Variants in ALDH3A1 observed in about 807,000 individuals in gnomAD.
ALDH3A1 encodes the protein aldehyde dehydrogenase, dimeric NADP-preferring.
In ALDH3A1, 46 loss-of-function variants were observed where a neutral mutation model predicts 49.9. The ratio of observed to expected loss-of-function variants is 0.92; its 90% CI spans 0.73 to 1.18. The LOEUF (loss-of-function observed/expected upper bound fraction) is 1.18. Ranked by LOEUF, ALDH3A1 falls within the 50% of genes most tolerant of loss-of-function variation. The probability of loss-of-function intolerance (pLI) is 0.00; values close to 1 mark genes in which losing one functional copy is unlikely to be tolerated. For synonymous variants in ALDH3A1, 269 were observed against 253.3 expected, an observed-to-expected ratio of 1.06 and a Z score of -0.59; for missense variants, 592 against 611.8, an observed-to-expected ratio of 0.97 and a Z score of 0.34.
Position 19,739,534 on chromosome 17 carries a change from G to A in ALDH3A1, c.1090C>T (p.Leu364Phe). The A allele has an allele frequency of 6.2e-7, 1 of 1,612,336 alleles. No individual in the cohort carries two copies. Among genetic ancestry groups the A allele is most frequent in the Non-Finnish European group, 8.5e-7 (1 of 1,179,504 alleles). Residue 364 changes from leucine (L) to phenylalanine (F), a missense_variant, in exon 8 of 11, where the codon CTC (leucine) becomes TTC (phenylalanine). Coordinates refer to ENST00000225740, the MANE Select transcript of ALDH3A1 (RefSeq NM_000691.5). ...TTGTCGTTGCTGGAGAACATGTAGA[G>A]GGCCAGGGGCTTCTCACGCTGGTTG... is the stretch of plus-strand genomic sequence containing the variant. The part of the protein sequence containing the change: ...FINQREKPLA[L>F]YMFSSNDKVI...
In ALDH3A1 at chr17:19,743,270, T is replaced by C; in HGVS notation, c.356A>G (p.Asn119Ser). Residue 119 changes from asparagine (N) to serine (S), a missense_variant, in exon 3 of 11, where the codon AAC (asparagine) becomes AGC (serine). Coordinates refer to ENST00000225740, the MANE Select transcript of ALDH3A1 (RefSeq NM_000691.5). The surrounding 1 kb of genome is among the most constrained non-coding windows in gnomAD (Gnocchi z 4.4). ...LVIGTWNYPFNLTIQPMVGAI... is the reference protein window; with the variant it reads ...LVIGTWNYPFSLTIQPMVGAI... ...GCCCACCATGGGCTGGATGGTGAGG[T>C]TGAAGGGGTAGTTCCAGGTGCCAAT... 1.2e-6 allele frequency: 2 copies of C among 1,613,828 alleles called. No homozygotes were observed. The highest frequency in any genetic ancestry group is 1.7e-6 in the Non-Finnish European group (2 of 1,179,942).
Position 19,743,477 on chromosome 17 carries a change from GC to G in ALDH3A1, c.163-15del, listed in dbSNP as rs1422351297. On this transcript the variant is annotated splice_polypyrimidine_tract_variant and intron_variant, in intron 2 of 10. Transcript: ENST00000225740. The surrounding 1 kb of genome is among the most constrained non-coding windows in gnomAD (Gnocchi z 4.4). ...GTTCCATTCATTCTGCAGCGACAGA[GC>G]CGGAGTGAGCTTCCAGGGCCAGGGC... 9 of 1,573,692 alleles carry G rather than the reference GC, an allele frequency of 5.7e-6. No homozygotes were observed. Among genetic ancestry groups the G allele is most frequent in the Non-Finnish European group, 7.8e-6 (9 of 1,157,068 alleles).
chr17:19,741,464 G>A (rs183042465), intron 5 of ALDH3A1: 25 of 438,590 alleles, frequency 5.7e-5, no homozygotes, highest in Admixed American at 1.7e-4. Context: ...CCCTGATCAC[G>A]CCCTTGTCCT....
chr17:19,743,744 C>T lies in ALDH3A1; in HGVS notation c.163-281G>A, dbSNP rs1452576670. On this transcript the variant is annotated intron_variant, in intron 2 of 10. Transcript: ENST00000225740. The surrounding 1 kb of genome is among the most constrained non-coding windows in gnomAD (Gnocchi z 4.4). Reference sequence around the variant, plus strand: ...CCAGGCATGGGCAACGGAATGGATCCAGGTAGGGGGAATAGAGCCGGGCAG... The same window carrying T: ...CCAGGCATGGGCAACGGAATGGATCTAGGTAGGGGGAATAGAGCCGGGCAG... 1.0e-6 allele frequency: 1 copy of T among 978,902 alleles called. No homozygotes were observed. The highest frequency in any genetic ancestry group is 1.8e-5 in the African/African-American group (1 of 54,898). 60.6% of individuals were successfully genotyped at this position (978,902 alleles called of 1,614,324 possible). A position where few individuals can be genotyped will look rare whatever the true frequency, so the allele number is the denominator to read the frequency against.
intron 5 of ALDH3A1, 40 bp from the exon 6 acceptor site, chr17:19,741,250 C>T (rs763700087): frequency 5.1e-6 from 8 of 1,577,116 alleles, no homozygotes; most frequent in African/African-American, 1.3e-5. Context: ...AAAAGGTTCC[C>T]CAGGAGTTGC....
At position 19,740,493 on chromosome 17, in the gene ALDH3A1, G is replaced by T. The variant is rs371001198; in HGVS notation, c.808-16C>A. The stretch of plus-strand genomic sequence containing the variant: ...CGTAGAACTCCTGTGGAGAAGAGGT[G>T]GGGGCTTCGGGTAAGGACGCAGAGC... On this transcript the variant is annotated splice_polypyrimidine_tract_variant and intron_variant, in intron 6 of 10. Transcript: ENST00000225740. 2.5e-6 allele frequency: 4 copies of T among 1,613,132 alleles called. No individual in the cohort carries two copies. The highest frequency in any genetic ancestry group is 3.4e-6 in the Non-Finnish European group (4 of 1,179,858).
rs769016246 is a variant in ALDH3A1, at chr17:19,743,195, G to C, written c.394+37C>G. 6.2e-7 allele frequency: 1 copy of C among 1,610,536 alleles called. No individual in the cohort carries two copies. The highest frequency in any genetic ancestry group is 8.5e-7 in the Non-Finnish European group (1 of 1,178,940). On this transcript the variant is annotated intron_variant, in intron 3 of 10. Coordinates refer to ENST00000225740, the MANE Select transcript of ALDH3A1 (RefSeq NM_000691.5). The surrounding 1 kb of genome is among the most constrained non-coding windows in gnomAD (Gnocchi z 4.4). ...TGGCTTGGCTCCACGCTGGGGGACG[G>C]TGCTCCCCCAGCTTCCCTTCCCACA...
Position 19,743,927 on chromosome 17 carries a change from G to C in ALDH3A1, c.163-464C>G. On this transcript the variant is annotated intron_variant, in intron 2 of 10. Transcript: ENST00000225740. The surrounding 1 kb of genome is among the most constrained non-coding windows in gnomAD (Gnocchi z 4.4). The stretch of plus-strand genomic sequence containing the variant: ...GGGGATGCAGGACCAAGGGCTGCTG[G>C]GCGCTCAGGGCCTCCTGTGGGGAGC... 3.0e-6 allele frequency: 3 copies of C among 985,350 alleles called. No individual in the cohort carries two copies. Among genetic ancestry groups the C allele is most frequent in the Non-Finnish European group, 3.6e-6 (3 of 829,900 alleles). 61.0% of individuals were successfully genotyped at this position (985,350 alleles called of 1,614,324 possible). A position where few individuals can be genotyped will look rare whatever the true frequency, so the allele number is the denominator to read the frequency against.
rs761024087 is a variant in ALDH3A1, at chr17:19,740,331, C to T, written c.949+5G>A. On this transcript the variant is annotated splice_donor_5th_base_variant and intron_variant, in intron 7 of 10. Transcript: ENST00000225740. ...GGTGGGCTGTGCTCTTCAGGGGTCA[C>T]GCACCTATGTAGCGAGTGGCGGCAT... is the stretch of plus-strand genomic sequence containing the variant. The T allele has an allele frequency of 6.8e-6, 11 of 1,613,514 alleles. No homozygotes were observed. The East Asian group carries it at 1.3e-4, about 20-fold the overall frequency.
In ALDH3A1 at chr17:19,745,093, C is replaced by A. The variant is rs763570276; in HGVS notation, c.37G>T (p.Ala13Ser). 5.7e-6 allele frequency: 9 copies of A among 1,589,810 alleles called. 1 individual carries two copies. The South Asian group carries it at 7.7e-5, about 14-fold the overall frequency. ...KISEAVKRARAAFSSGRTRPL... is the reference protein window; with the variant it reads ...KISEAVKRARSAFSSGRTRPL... Reference sequence around the variant, plus strand: ...CGGGTCCTGCCCGAGCTGAAGGCGGCGCGGGCGCGCTTCACGGCCTCGCTG... The same window carrying A: ...CGGGTCCTGCCCGAGCTGAAGGCGGAGCGGGCGCGCTTCACGGCCTCGCTG... Residue 13 changes from alanine (A) to serine (S), a missense_variant, in exon 2 of 11, where the codon GCC becomes TCC. By Grantham distance (99) the Ala-to-Ser change is moderately conservative. Transcript: ENST00000225740.
chr17:19,742,314 C>T, intron 4 of ALDH3A1, 102 bp from the exon 5 acceptor site: 2 of 1,317,878 alleles, frequency 1.5e-6, no homozygotes, highest in East Asian at 2.4e-5. Flanking sequence ...AGCCCCGAAG[C>T]TCAGCACCCC....
chr17:19,741,979 C>T (rs753916005), intron 5 of ALDH3A1, 25 bp downstream of exon 5: 157 of 1,610,698 alleles, frequency 9.7e-5, no homozygotes, highest in Non-Finnish European at 1.3e-4. Context: ...AGGACTGCTG[C>T]AGCCAGCAGG....
intron 1 of ALDH3A1, among the ~76,000 whole-genome samples, chr17:19,747,451 G>A (rs1047156274): frequency 6.6e-6 from 1 of 152,208 alleles, no homozygotes; most frequent in Non-Finnish European, 1.5e-5. Flanking sequence ...AGCCTTGTAC[G>A]GTCAAACCAA....
Position 19,738,009 on chromosome 17 carries a change from G to C in ALDH3A1, c.*212C>G, listed in dbSNP as rs112263426. 4 of 1,484,196 alleles carry C rather than the reference G, an allele frequency of 2.7e-6. No homozygotes were observed. The East Asian group carries it at 1.0e-4, about 37-fold the overall frequency. The allele number at this position is 1,484,196 out of a possible 1,614,324, so 91.9% of individuals were successfully genotyped here. A position where few individuals can be genotyped will look rare whatever the true frequency, so the allele number is the denominator to read the frequency against. Reference sequence around the variant, plus strand: ...TTTGCTGAGTTAGAAAATTGTATTCGTCTCTTTATTGGTCTAGAAAGGGGT... The same window carrying C: ...TTTGCTGAGTTAGAAAATTGTATTCCTCTCTTTATTGGTCTAGAAAGGGGT... On this transcript the variant is annotated 3_prime_UTR_variant, in exon 11 of 11. Transcript: ENST00000225740.
At chr17:19,741,869 T>C in intron 5 of ALDH3A1, 135 bp downstream of exon 5, 1 of 887,506 alleles carries the variant, frequency 1.1e-6, no homozygotes, top group Non-Finnish European at 1.7e-6. Flanking sequence ...CCATGTAAGT[T>C]TCTGCAAGGA....
chr17:19,747,044 C>A (rs1190086453), intron 1 of ALDH3A1, among the ~76,000 whole-genome samples: 1 of 152,160 alleles, frequency 6.6e-6, no homozygotes, highest in Non-Finnish European at 1.5e-5. Flanking sequence ...GTTCCTTACT[C>A]CCCTTCCTGA....
Position 19,742,642 on chromosome 17 carries a change from A to G in ALDH3A1, c.395-12T>C. 8.1e-6 allele frequency: 13 copies of G among 1,613,796 alleles called. No individual in the cohort carries two copies. The highest frequency in any genetic ancestry group is 1.1e-5 in the Non-Finnish European group (13 of 1,179,986). On this transcript the variant is annotated splice_polypyrimidine_tract_variant and intron_variant, in intron 3 of 10. Coordinates refer to ENST00000225740, the MANE Select transcript of ALDH3A1 (RefSeq NM_000691.5). ...GACCACTGAGTTCCCTGCAGAGCAC[A>G]CCGAGCCAGGCCTATGCCCAGGGTA...
Position 19,742,037 on chromosome 17 carries a change from A to T in ALDH3A1, c.656T>A (p.Val219Glu), listed in dbSNP as rs914818836. ...CACGTCCAGGTCACAGTTCTTGTCC[A>T]CGTAGCAGGGACTCTTCCCTCCCAG... ...LELGGKSPCY[V>E]DKNCDLDVAC... Residue 219 changes from valine (V) to glutamate (E), a missense_variant, in exon 5 of 11, where the codon GTG (valine) becomes GAG (glutamate). Val to Glu is a moderately radical substitution (Grantham distance 121). Coordinates refer to ENST00000225740, the MANE Select transcript of ALDH3A1 (RefSeq NM_000691.5). The T allele has an allele frequency of 1.2e-6, 2 of 1,613,768 alleles. No homozygotes were observed. Among genetic ancestry groups the T allele is most frequent in the Non-Finnish European group, 1.7e-6 (2 of 1,180,008 alleles).
chr17:19,745,139 G>A lies in ALDH3A1; in HGVS notation c.-5-5C>T, dbSNP rs2086578567. 1.3e-6 allele frequency: 2 copies of A among 1,564,886 alleles called. No homozygotes were observed. The highest frequency in any genetic ancestry group is 2.3e-5 in the South Asian group (2 of 87,876). On this transcript the variant is annotated splice_region_variant and splice_polypyrimidine_tract_variant and intron_variant, in intron 1 of 10. Coordinates refer to ENST00000225740, the MANE Select transcript of ALDH3A1 (RefSeq NM_000691.5). Reference sequence around the variant, plus strand: ...CGCTGATCTTGCTCATGGCGCCTGGGGACAGAGAGCACCTGCAGCTGGCTG... The same window carrying A: ...CGCTGATCTTGCTCATGGCGCCTGGAGACAGAGAGCACCTGCAGCTGGCTG...
Sources: gnomAD v4.1 joint callset for allele counts (sites outside exome capture counted in the v4.1 genomes callset) on GRCh38, gnomAD v4.1.1 for gene constraint, Gnocchi (gnomAD v3.1) non-coding constraint, MANE v1.5 for transcripts, NCBI Gene and HGNC (gene_info 2026-07-23, HGNC 2026-07-21) for gene names.